POLE2: variants seen among roughly 807,000 people sequenced by gnomAD.
The protein encoded by POLE2 is DNA polymerase epsilon subunit 2.
In POLE2, 56 loss-of-function variants were observed where a neutral mutation model predicts 79.4. The ratio of observed to expected loss-of-function variants is 0.71; its 90% CI spans 0.57 to 0.88. The LOEUF (loss-of-function observed/expected upper bound fraction) is 0.88, where lower values mean the gene tolerates loss of function less well. Among genes scored for constraint, POLE2 ranks in the 40% least tolerant of loss-of-function variants. POLE2 has a pLI of 0.00. For missense variants in POLE2, 598 were observed against 638.9 expected (o/e 0.94, Z 0.69); for synonymous variants, 212 against 214.0 (o/e 0.99, Z 0.08).
intron 3 of POLE2, among the ~76,000 whole-genome samples, chr14:49,678,701 G>C (rs1184871457): frequency 6.6e-6 from 1 of 152,050 alleles, no homozygotes; most frequent in African/African-American, 2.4e-5. Flanking sequence ...CTGTCGCCCA[G>C]ACTAGAGTGC....
intron 10 of POLE2, among the ~76,000 whole-genome samples, chr14:49,662,621 G>A (rs747586823): frequency 2.0e-5 from 3 of 152,234 alleles, no homozygotes; most frequent in East Asian, 1.9e-4. Flanking sequence ...AGTTTTTGCT[G>A]TGTGAGAATT....
chr14:49,682,283 G>A (rs1257935814), intron 2 of POLE2, among the ~76,000 whole-genome samples: 2 of 151,206 alleles, frequency 1.3e-5, no homozygotes, highest in African/African-American at 4.9e-5. Flanking sequence ...GGGATTACAG[G>A]TGTTAGCCAC....
chr14:49,671,096 C>A (rs76440654), intron 5 of POLE2, among the ~76,000 whole-genome samples: 1 of 152,148 alleles, frequency 6.6e-6, no homozygotes, highest in Non-Finnish European at 1.5e-5. Flanking sequence ...CTGTTTATTT[C>A]ACAGATGAAT....
At chr14:49,683,260 G>A (rs1213883628) in intron 2 of POLE2, among the ~76,000 whole-genome samples, 1 of 152,088 alleles carries the variant, frequency 6.6e-6, no homozygotes, top group Non-Finnish European at 1.5e-5. Context: ...AAATTAGCCT[G>A]ACATGGAGGT....
chr14:49,683,001 G>A (rs974849043), intron 2 of POLE2, among the ~76,000 whole-genome samples: 3 of 151,054 alleles, frequency 2.0e-5, no homozygotes, highest in Admixed American at 2.0e-4. Context: ...GCCAAGTGCA[G>A]GAAACATGGT....
chr14:49,647,221 T>C, intron 18 of POLE2, 72 bp downstream of exon 18: 1 of 805,248 alleles, frequency 1.2e-6, no homozygotes, highest in Non-Finnish European at 2.1e-6. Flanking sequence ...AACACACTGA[T>C]AGAACATCTC....
At chr14:49,670,814 G>A (rs1389479902) in intron 5 of POLE2, among the ~76,000 whole-genome samples, 1 of 152,220 alleles carries the variant, frequency 6.6e-6, no homozygotes, top group Non-Finnish European at 1.5e-5. Context: ...GATATTGTGT[G>A]AGCACCTGAA....
Position 49,645,054 on chromosome 14 carries a change from A to C in POLE2, c.1566-1384T>G, listed in dbSNP as rs567059633. Among the ~76,000 whole-genome samples the C allele has an allele frequency of 4.1e-4, 62 of 152,004 alleles. 3 individuals are homozygous for C. The South Asian group carries it at 7.9e-3, about 19-fold the overall frequency. On this transcript the variant is annotated intron_variant, in intron 18 of 18. Transcript: ENST00000216367. ...AAAACTCCGTCTCACAAAAAAAAAAAAAAACACTGCAGTAAAAAGCCAGCT... is the reference window on the plus strand; with the variant it reads ...AAAACTCCGTCTCACAAAAAAAAAACAAAACACTGCAGTAAAAAGCCAGCT...
At chr14:49,679,462 G>C in intron 3 of POLE2, 1 of 349,512 alleles carries the variant, frequency 2.9e-6, no homozygotes, top group Non-Finnish European at 5.2e-6. Context: ...TAAAAAGTCA[G>C]ATCAACCGGT....
At chr14:49,673,568 T>C (rs1886043908) in intron 5 of POLE2, among the ~76,000 whole-genome samples, 1 of 152,240 alleles carries the variant, frequency 6.6e-6, no homozygotes, top group Admixed American at 6.5e-5. Context: ...CTGATTTTTC[T>C]ATTGAATACA....
chr14:49,650,559 T>C (rs1046530127), intron 16 of POLE2, 118 bp from the exon 17 acceptor site: 10 of 576,068 alleles, frequency 1.7e-5, no homozygotes, highest in African/African-American at 1.5e-4. Context: ...TTTGAGAAAC[T>C]AGGAAAGCTT....
At chr14:49,686,269 T>G (rs1038547437) in intron 1 of POLE2, among the ~76,000 whole-genome samples, 1 of 151,970 alleles carries the variant, frequency 6.6e-6, no homozygotes, top group Non-Finnish European at 1.5e-5. Flanking sequence ...AATTTAAAAG[T>G]AAAAAAAATT....
Position 49,665,096 on chromosome 14 carries a change from G to A in POLE2, c.633+11C>T. 1 of 1,225,402 alleles carries A rather than the reference G, an allele frequency of 8.2e-7. No individual in the cohort carries two copies. The highest frequency in any genetic ancestry group is 1.2e-6 in the Non-Finnish European group (1 of 836,920). 75.9% of individuals were successfully genotyped at this position (1,225,402 alleles called of 1,614,324 possible). ...TGCAGATTTTAAAAAATACAGACAA[G>A]TGAAGGATATAGCTTTACTAAGGTC... On this transcript the variant is annotated intron_variant, in intron 8 of 18. Coordinates refer to ENST00000216367, the MANE Select transcript of POLE2 (RefSeq NM_002692.4).
intron 1 of POLE2, among the ~76,000 whole-genome samples, chr14:49,684,908 C>T (rs1285556601): frequency 6.6e-6 from 1 of 151,916 alleles, no homozygotes; most frequent in African/African-American, 2.4e-5. Flanking sequence ...ACCTGAGAGG[C>T]GGAGCTTGCA....
intron 6 of POLE2, among the ~76,000 whole-genome samples, chr14:49,666,976 G>A (rs531914505): frequency 3.9e-5 from 6 of 152,074 alleles, no homozygotes; most frequent in East Asian, 3.9e-4. Flanking sequence ...CGAGGCAGGC[G>A]GATCACGAGG....
chr14:49,668,706 C>T (rs1885667563), intron 6 of POLE2, among the ~76,000 whole-genome samples: 1 of 152,038 alleles, frequency 6.6e-6, no homozygotes, highest in African/African-American at 2.4e-5. Context: ...ATCTCAGTTG[C>T]CAGAGAAAAC....
chr14:49,662,000 T>C (rs559233396), intron 10 of POLE2, among the ~76,000 whole-genome samples: 26 of 152,178 alleles, frequency 1.7e-4, no homozygotes, highest in Non-Finnish European at 3.2e-4. Context: ...CATTCCAAAG[T>C]AGTAATTTTG....
intron 17 of POLE2, among the ~76,000 whole-genome samples, chr14:49,649,094 GTATT>G (rs1883992292): frequency 7.1e-6 from 1 of 141,710 alleles, no homozygotes; most frequent in African/African-American, 2.6e-5. Context: ...TGTTTATGCA[GTATT>G]TATTCTCCAA....
intron 2 of POLE2, 106 bp from the exon 3 acceptor site, chr14:49,679,906 T>G (rs1278991304): frequency 3.3e-5 from 21 of 628,200 alleles, no homozygotes; most frequent in Non-Finnish European, 3.5e-5. Flanking sequence ...AATACTGAGA[T>G]TCTCATTATA....
Sources: allele counts gnomAD v4.1 joint callset (sites outside exome capture counted in the v4.1 genomes callset), GRCh38; gene constraint gnomAD v4.1.1; transcripts MANE v1.5; gene names NCBI Gene and HGNC (gene_info 2026-07-23, HGNC 2026-07-21).